The following ST6GALNAC5 variants were observed in gnomAD, a reference collection of about 807,000 sequenced individuals.
ST6GALNAC5 encodes alpha-N-acetylgalactosaminide alpha-2,6-sialyltransferase 5.
Under a neutral mutation model 33.6 loss-of-function variants are expected in ST6GALNAC5, and 27 were observed. That is an observed-to-expected ratio of 0.80 (90% CI 0.59 to 1.11). The LOEUF is 1.11. Among genes scored for constraint, ST6GALNAC5 ranks in the 50% least tolerant of loss-of-function variants. ST6GALNAC5 has a pLI of 0.00. For synonymous variants in ST6GALNAC5, 194 were observed against 171.2 expected, an observed-to-expected ratio of 1.13 and a Z score of -1.04; for missense variants, 428 against 454.0, an observed-to-expected ratio of 0.94 and a Z score of 0.52.
At chr1:76,986,919 A>G (rs1033449168) in intron 2 of ST6GALNAC5, among the ~76,000 whole-genome samples, 7 of 152,226 alleles carry the variant, frequency 4.6e-5, no homozygotes, top group African/African-American at 1.4e-4. Context: ...TCCCAAGGAC[A>G]GAAATCCAAA....
chr1:76,972,984 T>C (rs1453267663), intron 2 of ST6GALNAC5, among the ~76,000 whole-genome samples: 1 of 152,170 alleles, frequency 6.6e-6, no homozygotes, highest in African/African-American at 2.4e-5. Context: ...TCCATTGGTC[T>C]GTTGGTCCTT....
intron 2 of ST6GALNAC5, among the ~76,000 whole-genome samples, chr1:76,976,762 AT>A (rs1168234122): frequency 6.6e-6 from 1 of 151,996 alleles, no homozygotes; most frequent in Non-Finnish European, 1.5e-5. Flanking sequence ...CCCCCATATC[AT>A]TTACTGGTTG....
Position 76,977,174 on chromosome 1 carries a change from GT to G in ST6GALNAC5, c.262-67024del, listed in dbSNP as rs1263453877. On this transcript the variant is annotated intron_variant, in intron 2 of 4. Coordinates refer to ENST00000477717, the MANE Select transcript of ST6GALNAC5 (RefSeq NM_030965.3). ...CCACTTTATTTTTCATTACTAATAAGTTTTTTATTTATAGTTGACATAATAA... is the reference window on the plus strand; with the variant it reads ...CCACTTTATTTTTCATTACTAATAAGTTTTTATTTATAGTTGACATAATAA... 2.4e-4 allele frequency among the ~76,000 whole-genome samples: 36 copies of G among 151,930 alleles called. 3 individuals are homozygous for G. The highest frequency in any genetic ancestry group is 2.1e-3 in the Admixed American group (32 of 15,224).
At chr1:76,991,353 T>A (rs1459767960) in intron 2 of ST6GALNAC5, among the ~76,000 whole-genome samples, 1 of 152,192 alleles carries the variant, frequency 6.6e-6, no homozygotes, top group Non-Finnish European at 1.5e-5. Context: ...ACAAGGTGAA[T>A]TTTAGGGCTC....
At chr1:77,007,311 G>A (rs528263289) in intron 2 of ST6GALNAC5, among the ~76,000 whole-genome samples, 2 of 152,296 alleles carry the variant, frequency 1.3e-5, no homozygotes, top group Non-Finnish European at 2.9e-5. Context: ...AGAGCCCTCT[G>A]AACCACATGC....
rs1226639636 is a variant in ST6GALNAC5 at position 77,067,426 on chromosome 1, G to A, written c.*4220G>A. Among the ~76,000 whole-genome samples the A allele has an allele frequency of 6.6e-6, 1 of 152,158 alleles. No homozygotes were observed. Reference sequence around the variant, plus strand: ...TGCATGTGTCCTGTTAGTCTAATTAGATTGTAAGCTCCTTGAGGGCAGAGA... The same window carrying A: ...TGCATGTGTCCTGTTAGTCTAATTAAATTGTAAGCTCCTTGAGGGCAGAGA... On this transcript the variant is annotated 3_prime_UTR_variant, in exon 5 of 5. Coordinates refer to ENST00000477717, the MANE Select transcript of ST6GALNAC5 (RefSeq NM_030965.3).
At chr1:77,005,309 G>A (rs1650358293) in intron 2 of ST6GALNAC5, among the ~76,000 whole-genome samples, 1 of 152,156 alleles carries the variant, frequency 6.6e-6, no homozygotes, top group Non-Finnish European at 1.5e-5. Flanking sequence ...CCTGACCCTT[G>A]CGCTTCCCAA....
chr1:77,018,374 G>A (rs1650929327), intron 2 of ST6GALNAC5, among the ~76,000 whole-genome samples: 1 of 152,170 alleles, frequency 6.6e-6, no homozygotes, highest in African/African-American at 2.4e-5. Flanking sequence ...CCATGCACGA[G>A]GCACTGTGCC....
intron 2 of ST6GALNAC5, among the ~76,000 whole-genome samples, chr1:76,968,169 A>G (rs1648578890): frequency 1.3e-5 from 2 of 152,090 alleles, no homozygotes; most frequent in Non-Finnish European, 1.5e-5. Flanking sequence ...TCTGTCTAAT[A>G]TTGATAGTGG....
At chr1:76,974,207 C>CTTTTTT (rs766393000) in intron 2 of ST6GALNAC5, among the ~76,000 whole-genome samples, 3 of 120,286 alleles carry the variant, frequency 2.5e-5, no homozygotes, top group Non-Finnish European at 3.5e-5. Flanking sequence ...TTGCTTTTCA[C>CTTTTTT]TTTTTTTTTT....
At chr1:76,967,109 CAT>C (rs1285068547) in intron 2 of ST6GALNAC5, among the ~76,000 whole-genome samples, 6 of 152,166 alleles carry the variant, frequency 3.9e-5, no homozygotes, top group African/African-American at 1.4e-4. Flanking sequence ...ATGCTGGCCT[CAT>C]AAAATGAGCT....
intron 2 of ST6GALNAC5, among the ~76,000 whole-genome samples, chr1:76,946,444 A>C (rs959421954): frequency 6.6e-6 from 1 of 152,182 alleles, no homozygotes; most frequent in Non-Finnish European, 1.5e-5. Flanking sequence ...TCTGCATAAT[A>C]AGGCTGTCTT....
rs942946981 is a variant in ST6GALNAC5, at chr1:77,063,429, T to C, written c.*223T>C. 2 of 549,598 alleles carry C rather than the reference T, an allele frequency of 3.6e-6. No individual in the cohort carries two copies. Among genetic ancestry groups the C allele is most frequent in the Non-Finnish European group, 6.5e-6 (2 of 305,944 alleles). 34.0% of individuals were successfully genotyped at this position (549,598 alleles called of 1,614,324 possible). ...TAATGAATGTTGTCCCCTTCAATGG[T>C]GTTACCTTAGGAGCTGAACATTCAA... On this transcript the variant is annotated 3_prime_UTR_variant, in exon 5 of 5. Transcript: ENST00000477717.
chr1:77,039,023 G>A (rs1651748881), intron 2 of ST6GALNAC5, among the ~76,000 whole-genome samples: 1 of 152,154 alleles, frequency 6.6e-6, no homozygotes, highest in African/African-American at 2.4e-5. Flanking sequence ...AATTACCAAA[G>A]CACAAAAGAG....
chr1:76,880,064 C>T (rs999573973), intron 2 of ST6GALNAC5, among the ~76,000 whole-genome samples: 14 of 152,180 alleles, frequency 9.2e-5, no homozygotes, highest in Non-Finnish European at 2.1e-4. Context: ...AGCCAGGAGA[C>T]AGAATCCCTG....
chr1:76,878,371 C>A (rs1262537815), intron 2 of ST6GALNAC5, among the ~76,000 whole-genome samples: 1 of 152,064 alleles, frequency 6.6e-6, no homozygotes, highest in Non-Finnish European at 1.5e-5. Context: ...CCCACCAGAC[C>A]CACTGTAAGT....
At chr1:76,891,367 A>T (rs755271720) in intron 2 of ST6GALNAC5, among the ~76,000 whole-genome samples, 7 of 152,118 alleles carry the variant, frequency 4.6e-5, no homozygotes, top group African/African-American at 9.7e-5. Context: ...ACATGTTTTT[A>T]TGTGCTTATT....
intron 2 of ST6GALNAC5, among the ~76,000 whole-genome samples, chr1:76,972,674 T>C (rs1327832338): frequency 6.6e-6 from 1 of 152,190 alleles, no homozygotes; most frequent in Non-Finnish European, 1.5e-5. Context: ...TTATTATCTG[T>C]AGAATAAATT....
At chr1:77,034,750 A>C (rs1303459983) in intron 2 of ST6GALNAC5, among the ~76,000 whole-genome samples, 2 of 152,216 alleles carry the variant, frequency 1.3e-5, no homozygotes. Flanking sequence ...CATGTCAAAC[A>C]AGGGATGTTC....
Sources: gnomAD v4.1 joint callset for allele counts (sites outside exome capture counted in the v4.1 genomes callset) on GRCh38, gnomAD v4.1.1 for gene constraint, MANE v1.5 for transcripts, NCBI Gene and HGNC (gene_info 2026-07-23, HGNC 2026-07-21) for gene names.